GNAS: variants seen among roughly 807,000 people sequenced by gnomAD.
The protein encoded by GNAS is protein ALEX.
A neutral mutation model predicts 54.5 loss-of-function variants in GNAS; 8 were observed. The observed-to-expected ratio is 0.15, with a 90% CI of 0.09 to 0.26. The LOEUF is 0.26. GNAS is among the 10% of genes least tolerant of loss of function. GNAS has a pLI of 1.00. For synonymous variants in GNAS, 204 were observed against 191.4 expected, an observed-to-expected ratio of 1.07 and a Z score of -0.54; for missense variants, 170 against 529.8, an observed-to-expected ratio of 0.32 and a Z score of 6.67.
rs760016801 is a variant in GNAS, at chr20:58,854,907, G to C, written c.43+14021G>C. The C allele has an allele frequency of 3.8e-6, 6 of 1,595,926 alleles. No homozygotes were observed. In the African/African-American group the frequency reaches 8.0e-5, roughly 21 times the overall value. On this transcript the variant is annotated intron_variant, in intron 1 of 12. Coordinates refer to the GNAS transcript ENST00000306090. ...TCCGCCTACTCCGCGGCCTACTCGC[G>C]CGTCTGCCTGGCGGGGCAAGTCCGA...
intron 1 of GNAS, chr20:58,852,719 C>T (rs950173556): frequency 4.9e-6 from 1 of 205,858 alleles, no homozygotes; most frequent in East Asian, 7.3e-5. Flanking sequence ...AGGAGAAAGA[C>T]TCCAAATCAG....
chr20:58,898,774 T>A (rs1019598558), intron 2 of GNAS, 167 bp from the exon 3 acceptor site: 1 of 729,704 alleles, frequency 1.4e-6, no homozygotes, highest in Non-Finnish European at 2.5e-6. Flanking sequence ...ATGTTCCAAT[T>A]TAGCCAGAAA....
At chr20:58,893,637 TTATGCA>T (rs2089747123) in intron 1 of GNAS, among the ~76,000 whole-genome samples, 1 of 152,238 alleles carries the variant, frequency 6.6e-6, no homozygotes, top group Non-Finnish European at 1.5e-5. Flanking sequence ...TCTTTGGTGT[TTATGCA>T]TTTGCAATTT....
chr20:58,851,703 G>A (rs1475482682), intron 1 of GNAS, among the ~76,000 whole-genome samples: 4 of 152,362 alleles, frequency 2.6e-5, no homozygotes, highest in South Asian at 4.1e-4. Context: ...GCGCAGCTGC[G>A]CGGGCAACCG....
Position 58,853,752 on chromosome 20 carries a change from C to A in GNAS, c.43+12866C>A. 6.2e-7 allele frequency: 1 copy of A among 1,613,746 alleles called. No individual in the cohort carries two copies. The highest frequency in any genetic ancestry group is 8.5e-7 in the Non-Finnish European group (1 of 1,179,824). The stretch of plus-strand genomic sequence containing the variant: ...CAGCCCTCCACCAGAAGAAGCTATG[C>A]CCTTTGAGTTTGACCAGCCTGCCCA... On this transcript the variant is annotated intron_variant, in intron 1 of 12. Coordinates refer to the GNAS transcript ENST00000306090. This position sits in a 1 kb window ranked among gnomAD's most constrained non-coding sequence, Gnocchi z 4.4.
Position 58,853,926 on chromosome 20 carries a change from G to A in GNAS, c.43+13040G>A, listed in dbSNP as rs587778391. 9.3e-6 allele frequency: 15 copies of A among 1,610,856 alleles called. No homozygotes were observed. The African/African-American group carries it at 1.1e-4, about 11-fold the overall frequency. On this transcript the variant is annotated intron_variant, in intron 1 of 12. Coordinates refer to the GNAS transcript ENST00000306090. The surrounding 1 kb of genome is among the most constrained non-coding windows in gnomAD (Gnocchi z 4.4). ...CAGAGGAGGCTACAGCCCTCCCCCT[G>A]AGGAGACTATGCCATTTGAGCTTGA... is the stretch of plus-strand genomic sequence containing the variant.
chr20:58,870,460 C>A (rs1322633760), intron 1 of GNAS, among the ~76,000 whole-genome samples: 1 of 152,174 alleles, frequency 6.6e-6, no homozygotes, highest in Middle Eastern at 3.2e-3. Context: ...CTCCTCCCCA[C>A]CAGAGGTCAG....
chr20:58,864,210 C>G (rs1418457671), intron 1 of GNAS: 1 of 152,152 alleles, frequency 6.6e-6, no homozygotes, highest in Non-Finnish European at 1.5e-5. Context: ...TGAACACATC[C>G]TTTTAAATAG....
chr20:58,873,567 T>C lies in GNAS; in HGVS notation c.44-22045T>C, dbSNP rs2087603230. On this transcript the variant is annotated intron_variant, in intron 1 of 12. Coordinates refer to the GNAS transcript ENST00000306090. This position sits in a 1 kb window ranked among gnomAD's most constrained non-coding sequence, Gnocchi z 4.3. ...CCTAATTTTTTGGTTAACTTGAAGG[T>C]CGAAATAGCCTTACTCCTTTTTGTC... Among the ~76,000 whole-genome samples the C allele has an allele frequency of 6.6e-6, 1 of 152,176 alleles. No individual in the cohort carries two copies. The highest frequency in any genetic ancestry group is 1.5e-5 in the Non-Finnish European group (1 of 68,030).
At position 58,865,450 on chromosome 20, in the gene GNAS, TTA is replaced by T. The variant is rs200364183; in HGVS notation, c.43+24574_43+24575del. Among the ~76,000 whole-genome samples, 488 of 147,728 alleles carry T rather than the reference TTA, an allele frequency of 3.3e-3. 1 individual carries two copies. The highest frequency in any genetic ancestry group is 0.011 in the African/African-American group (465 of 40,628). On this transcript the variant is annotated intron_variant, in intron 1 of 12. Transcript: ENST00000306090. ...TATATATATACACATATATTTTATA[TTA>T]TATATATATCATATATAATACAAAA... is the stretch of plus-strand genomic sequence containing the variant.
chr20:58,891,560 C>CCCCGCGG lies in GNAS; in HGVS notation c.-154_-148dup, dbSNP rs1212738897. The CCCCGCGG allele has an allele frequency of 2.6e-4, 251 of 973,656 alleles. No homozygotes were observed. The South Asian group carries it at 3.2e-3, about 12-fold the overall frequency. The allele number at this position is 973,656 out of a possible 1,614,324, so 60.3% of individuals were successfully genotyped here. The stretch of plus-strand genomic sequence containing the variant: ...CCTCCCCTTCCCGCCCGTCCGCGCG[C>CCCCGCGG]CCCGCGGCCCGCGGCCCGCAGTCCG... On this transcript the variant is annotated 5_prime_UTR_variant, in exon 1 of 13. Transcript: ENST00000371085.
rs555415049 is a variant in GNAS at position 58,874,018 on chromosome 20, G to T, written c.44-21594G>T. Among the ~76,000 whole-genome samples the T allele has an allele frequency of 2.0e-5, 3 of 152,338 alleles. No individual in the cohort carries two copies. In the East Asian group the frequency reaches 5.8e-4, roughly 29 times the overall value. On this transcript the variant is annotated intron_variant, in intron 1 of 12. Coordinates refer to the GNAS transcript ENST00000306090. ...AGAAAACCTAGAAGGATCTGCTGGG[G>T]TCAAAACAAGCAACATTTGACAGGC...
rs1297375192 is a variant in GNAS, at chr20:58,908,392, T to C, written c.531-770T>C. 2.6e-5 allele frequency among the ~76,000 whole-genome samples: 4 copies of C among 152,110 alleles called. No homozygotes were observed. In the South Asian group the frequency reaches 8.3e-4, roughly 32 times the overall value. On this transcript the variant is annotated intron_variant, in intron 6 of 12. Coordinates refer to ENST00000371085, the MANE Select transcript of GNAS (RefSeq NM_000516.7). ...TGGACCAAACAGAACGGAAGAGAACTTTGTGTTTGTTTCCTGTTCAGGATG... is the reference window on the plus strand; with the variant it reads ...TGGACCAAACAGAACGGAAGAGAACCTTGTGTTTGTTTCCTGTTCAGGATG...
At chr20:58,896,580 C>A (rs909239519) in intron 2 of GNAS, among the ~76,000 whole-genome samples, 2 of 151,708 alleles carry the variant, frequency 1.3e-5, no homozygotes, top group Admixed American at 6.6e-5. Context: ...CCCCAAGACC[C>A]CAGATGGGGC....
At chr20:58,883,489 T>C (rs1272255892) in intron 1 of GNAS, among the ~76,000 whole-genome samples, 1 of 152,164 alleles carries the variant, frequency 6.6e-6, no homozygotes, top group African/African-American at 2.4e-5. Flanking sequence ...AAATCTCCTT[T>C]TCATCTGATC....
chr20:58,879,400 A>G (rs183218344), intron 1 of GNAS, among the ~76,000 whole-genome samples: 99 of 152,300 alleles, frequency 6.5e-4, no homozygotes, highest in African/African-American at 2.3e-3. Flanking sequence ...AATTCTTCCT[A>G]CTATTCATTG....
At chr20:58,860,020 G>A (rs924397728) in intron 1 of GNAS, among the ~76,000 whole-genome samples, 1 of 152,196 alleles carries the variant, frequency 6.6e-6, no homozygotes, top group Non-Finnish European at 1.5e-5. Context: ...AAGCTATAAA[G>A]CATTATTTAA....
chr20:58,903,230 G>A, intron 3 of GNAS: 1 of 490,346 alleles, frequency 2.0e-6, no homozygotes, highest in African/African-American at 1.9e-5. Context: ...GTGTTAGTAT[G>A]TAGTGTGGGG....
intron 1 of GNAS, chr20:58,855,449 A>C: frequency 1.0e-6 from 1 of 952,544 alleles, no homozygotes; most frequent in Non-Finnish European, 1.7e-6. Flanking sequence ...GTCCAGCCAA[A>C]GGCGGGAAGA....
Sources: allele counts gnomAD v4.1 joint callset (sites outside exome capture counted in the v4.1 genomes callset), GRCh38; gene constraint gnomAD v4.1.1; non-coding constraint Gnocchi (gnomAD v3.1); transcripts MANE v1.5; gene names NCBI Gene and HGNC (gene_info 2026-07-23, HGNC 2026-07-21).